Variants in SPRYD4 observed in about 807,000 individuals in gnomAD.
SPRYD4 encodes SPRY domain-containing protein 4.
SPRYD4 carries 12 observed loss-of-function variants against 16.6 expected under a neutral mutation model. The observed-to-expected ratio is 0.72, with a 90% CI of 0.46 to 1.17. SPRYD4 has a LOEUF of 1.17. Ranked by LOEUF, SPRYD4 falls within the 50% of genes most tolerant of loss-of-function variation. The probability of loss-of-function intolerance (pLI) is 0.00; values close to 1 mark genes in which losing one functional copy is unlikely to be tolerated. For missense variants in SPRYD4, 260 were observed against 260.2 expected (o/e 1.00, Z 0.00); for synonymous variants, 98 against 105.4 (o/e 0.93, Z 0.43).
rs567084782 is a variant in SPRYD4, at chr12:56,479,576, G to T, written c.*9999G>T. 9.0e-5 allele frequency: 50 copies of T among 558,100 alleles called. No homozygotes were observed. The highest frequency in any genetic ancestry group is 8.9e-4 in the African/African-American group (47 of 52,580). The allele number at this position is 558,100 out of a possible 1,614,324, so 34.6% of individuals were successfully genotyped here. A position where few individuals can be genotyped will look rare whatever the true frequency, so the allele number is the denominator to read the frequency against. ...ATTTACTTCTGGGAAAAGAGGACAGGGATTGAGTAGGGAGGGAAAGGAGAA... is the reference window on the plus strand; with the variant it reads ...ATTTACTTCTGGGAAAAGAGGACAGTGATTGAGTAGGGAGGGAAAGGAGAA... On this transcript the variant is annotated 3_prime_UTR_variant, in exon 2 of 2. Coordinates refer to ENST00000338146, the MANE Select transcript of SPRYD4 (RefSeq NM_207344.4).
At position 56,473,394 on chromosome 12, in the gene SPRYD4, G is replaced by T; in HGVS notation, c.*3817G>T. 6.2e-7 allele frequency: 1 copy of T among 1,605,098 alleles called. No homozygotes were observed. The highest frequency in any genetic ancestry group is 1.1e-5 in the South Asian group (1 of 90,036). ...AGGAGCTCAAAATTGCTTTATTATA[G>T]TAAAAGTGGTACCATTAAACAAATT... On this transcript the variant is annotated 3_prime_UTR_variant, in exon 2 of 2. Transcript: ENST00000338146.
Position 56,469,252 on chromosome 12 carries a change from T to TC in SPRYD4, c.301dup (p.Arg101ProfsTer13). On this transcript the variant is annotated frameshift_variant, in exon 2 of 2. Transcript: ENST00000338146. LOFTEE classifies it high-confidence loss of function. ...GTGACAGTGAAGCGCTCCCAGCAGT[T>TC]CCGGATAGGAGTGGCAGATGTGGAC... 6.2e-7 allele frequency: 1 copy of TC among 1,613,928 alleles called. No individual in the cohort carries two copies. The highest frequency in any genetic ancestry group is 1.1e-5 in the South Asian group (1 of 91,064).
Position 56,471,893 on chromosome 12 carries a change from A to G in SPRYD4, c.*2316A>G, listed in dbSNP as rs535451859. 5.1e-6 allele frequency: 8 copies of G among 1,562,052 alleles called. No individual in the cohort carries two copies. In the African/African-American group the frequency reaches 9.5e-5, roughly 18 times the overall value. ...GCGCAGGTCTTGAACCCTTTGGTGC[A>G]GACACTTAGCCACTGAAGTCTTTAC... On this transcript the variant is annotated 3_prime_UTR_variant, in exon 2 of 2. Transcript: ENST00000338146.
Position 56,475,377 on chromosome 12 carries a change from G to C in SPRYD4, c.*5800G>C. 1.2e-6 allele frequency: 1 copy of C among 825,760 alleles called. No homozygotes were observed. Among genetic ancestry groups the C allele is most frequent in the South Asian group, 1.8e-5 (1 of 54,532 alleles). The allele number at this position is 825,760 out of a possible 1,614,324, so 51.2% of individuals were successfully genotyped here. On this transcript the variant is annotated 3_prime_UTR_variant, in exon 2 of 2. Coordinates refer to ENST00000338146, the MANE Select transcript of SPRYD4 (RefSeq NM_207344.4). ...TGAAGTTTTTGGCTTTGAAAGTCTT[G>C]GCAAGAAAGGGCTTAGGCACAAACC...
Position 56,478,262 on chromosome 12 carries a change from C to T in SPRYD4, c.*8685C>T, listed in dbSNP as rs2136188089. The T allele has an allele frequency of 6.2e-7, 1 of 1,614,062 alleles. No individual in the cohort carries two copies. The highest frequency in any genetic ancestry group is 8.5e-7 in the Non-Finnish European group (1 of 1,179,998). ...GCCAGCTGAGGGATGTAGGCTGCCACCTGGACATGAGTGGGTAGAGAAAAG... is the reference window on the plus strand; with the variant it reads ...GCCAGCTGAGGGATGTAGGCTGCCATCTGGACATGAGTGGGTAGAGAAAAG... On this transcript the variant is annotated 3_prime_UTR_variant, in exon 2 of 2. Transcript: ENST00000338146.
At position 56,475,834 on chromosome 12, in the gene SPRYD4, T is replaced by C. The variant is rs1869757750; in HGVS notation, c.*6257T>C. On this transcript the variant is annotated 3_prime_UTR_variant, in exon 2 of 2. Transcript: ENST00000338146. ...TCCACATTTCTGGAAATAAGGCTTCTAGTATGGGCTGGTGCACCTGGTAGT... is the reference window on the plus strand; with the variant it reads ...TCCACATTTCTGGAAATAAGGCTTCCAGTATGGGCTGGTGCACCTGGTAGT... The C allele has an allele frequency of 7.1e-7, 1 of 1,407,852 alleles. No individual in the cohort carries two copies. The highest frequency in any genetic ancestry group is 1.2e-5 in the South Asian group (1 of 86,142). The allele number at this position is 1,407,852 out of a possible 1,614,324, so 87.2% of individuals were successfully genotyped here.
At position 56,475,875 on chromosome 12, in the gene SPRYD4, C is replaced by T. The variant is rs959815797; in HGVS notation, c.*6298C>T. Reference sequence around the variant, plus strand: ...ACCTGGTAGTGGGGTTAGAGAGCCACTGGGGCAGCTGGAGAGGACAGCATG... The same window carrying T: ...ACCTGGTAGTGGGGTTAGAGAGCCATTGGGGCAGCTGGAGAGGACAGCATG... On this transcript the variant is annotated 3_prime_UTR_variant, in exon 2 of 2. Transcript: ENST00000338146. The T allele has an allele frequency of 9.0e-6, 14 of 1,555,902 alleles. 1 individual carries two copies. In the South Asian group the frequency reaches 1.4e-4, roughly 16 times the overall value.
At position 56,468,634 on chromosome 12, in the gene SPRYD4, G is replaced by A. The variant is rs906500413; in HGVS notation, c.43G>A (p.Gly15Arg). 5.0e-6 allele frequency: 8 copies of A among 1,614,058 alleles called. No individual in the cohort carries two copies. The highest frequency in any genetic ancestry group is 6.8e-6 in the Non-Finnish European group (8 of 1,179,994). Reference protein sequence around the residue: ...FARSLRLCRWGAKRLGVASTE... With the variant: ...FARSLRLCRWRAKRLGVASTE... Reference sequence around the variant, plus strand: ...ACGTTCTTTGCGCTTGTGCCGCTGGGGAGCCAAACGATTGGGAGTTGCCTC... The same window carrying A: ...ACGTTCTTTGCGCTTGTGCCGCTGGAGAGCCAAACGATTGGGAGTTGCCTC... The change falls in exon 1 of 2, where the codon GGA becomes AGA. Residue 15 changes from glycine (G) to arginine (R), a missense_variant. Physicochemically the swap from Gly to Arg is moderately radical, Grantham distance 125. Transcript: ENST00000338146.
In SPRYD4 at chr12:56,474,345, T is replaced by C. The variant is rs1869595988; in HGVS notation, c.*4768T>C. The C allele has an allele frequency of 6.2e-6, 4 of 642,682 alleles. No homozygotes were observed. The South Asian group carries it at 7.8e-5, about 12-fold the overall frequency. 39.8% of individuals were successfully genotyped at this position (642,682 alleles called of 1,614,324 possible). A position where few individuals can be genotyped will look rare whatever the true frequency, so the allele number is the denominator to read the frequency against. On this transcript the variant is annotated 3_prime_UTR_variant, in exon 2 of 2. Transcript: ENST00000338146. ...CTCAGGTGATCCACCTGCCTCGGCC[T>C]CCCAAAGACATCTCTTTATATATTC...
chr12:56,479,208 G>C lies in SPRYD4; in HGVS notation c.*9631G>C. On this transcript the variant is annotated 3_prime_UTR_variant, in exon 2 of 2. Coordinates refer to ENST00000338146, the MANE Select transcript of SPRYD4 (RefSeq NM_207344.4). ...TGGATCCCAGACACGATTGGATTAG[G>C]GGGCTAGAGAAATGCAGCTGGGACT... 1.2e-6 allele frequency: 2 copies of C among 1,610,376 alleles called. No individual in the cohort carries two copies. Among genetic ancestry groups the C allele is most frequent in the East Asian group, 2.2e-5 (1 of 44,848 alleles).
At position 56,477,985 on chromosome 12, in the gene SPRYD4, C is replaced by A. The variant is rs780176073; in HGVS notation, c.*8408C>A. 8.7e-6 allele frequency: 14 copies of A among 1,614,210 alleles called. No homozygotes were observed. The highest frequency in any genetic ancestry group is 1.2e-5 in the Non-Finnish European group (14 of 1,180,030). The stretch of plus-strand genomic sequence containing the variant: ...AGCGCAGGCCACTTGGCTCTTTGCC[C>A]ACAAACTTGTGCACGTAGTCAGTGC... On this transcript the variant is annotated 3_prime_UTR_variant, in exon 2 of 2. Coordinates refer to ENST00000338146, the MANE Select transcript of SPRYD4 (RefSeq NM_207344.4).
At position 56,472,683 on chromosome 12, in the gene SPRYD4, G is replaced by A. The variant is rs760843313; in HGVS notation, c.*3106G>A. The A allele has an allele frequency of 1.9e-6, 3 of 1,612,852 alleles. No homozygotes were observed. Among genetic ancestry groups the A allele is most frequent in the Non-Finnish European group, 2.5e-6 (3 of 1,179,078 alleles). ...TTATTGTGTATATTTGGTCACAGTA[G>A]CATTACCTTCGAAGAGCTGAGACAT... is the stretch of plus-strand genomic sequence containing the variant. On this transcript the variant is annotated 3_prime_UTR_variant, in exon 2 of 2. Transcript: ENST00000338146.
In SPRYD4 at chr12:56,469,201, T is replaced by A. The variant is rs779609020; in HGVS notation, c.248T>A (p.Val83Asp). Residue 83 changes from valine to aspartate, a missense_variant, in exon 2 of 2, where the codon GTC becomes GAC. By Grantham distance (152) the Val-to-Asp change is radical. Coordinates refer to ENST00000338146, the MANE Select transcript of SPRYD4 (RefSeq NM_207344.4). ...GCAGTGGTGCTGGCAGACACAGCGG[T>A]CACCAGTGGCAGACACTACTGGGAA... is the stretch of plus-strand genomic sequence containing the variant. ...EWAVVLADTA[V>D]TSGRHYWEVT... The A allele has an allele frequency of 6.2e-7, 1 of 1,613,918 alleles. No individual in the cohort carries two copies. Among genetic ancestry groups the A allele is most frequent in the Admixed American group, 1.7e-5 (1 of 59,998 alleles).
chr12:56,475,480 G>T lies in SPRYD4; in HGVS notation c.*5903G>T. The T allele has an allele frequency of 1.3e-6, 1 of 784,410 alleles. No individual in the cohort carries two copies. The allele number at this position is 784,410 out of a possible 1,614,324, so 48.6% of individuals were successfully genotyped here. On this transcript the variant is annotated 3_prime_UTR_variant, in exon 2 of 2. Transcript: ENST00000338146. Reference sequence around the variant, plus strand: ...ACAAGATAAACAAATGTTTATGAAGGGACTCAGAGGAAGCTGGAGGGCCAA... The same window carrying T: ...ACAAGATAAACAAATGTTTATGAAGTGACTCAGAGGAAGCTGGAGGGCCAA...
chr12:56,477,901 G>A lies in SPRYD4; in HGVS notation c.*8324G>A. 3.1e-6 allele frequency: 5 copies of A among 1,600,834 alleles called. No individual in the cohort carries two copies. The East Asian group carries it at 6.7e-5, about 21-fold the overall frequency. ...TGGGGATAAGGAGAAGGGGACAGCT[G>A]TAAGTACGGTCTGAGCCTTGGTAGT... is the stretch of plus-strand genomic sequence containing the variant. On this transcript the variant is annotated 3_prime_UTR_variant, in exon 2 of 2. Transcript: ENST00000338146.
At position 56,469,771 on chromosome 12, in the gene SPRYD4, C is replaced by T. The variant is rs1869159031; in HGVS notation, c.*194C>T. 3 of 543,196 alleles carry T rather than the reference C, an allele frequency of 5.5e-6. No individual in the cohort carries two copies. The highest frequency in any genetic ancestry group is 2.2e-5 in the South Asian group (1 of 44,516). The allele number at this position is 543,196 out of a possible 1,614,324, so 33.6% of individuals were successfully genotyped here. On this transcript the variant is annotated 3_prime_UTR_variant, in exon 2 of 2. Coordinates refer to ENST00000338146, the MANE Select transcript of SPRYD4 (RefSeq NM_207344.4). ...GCATACAGCCAAACCCTCCTTTTCC[C>T]CACCCACCAACTACTGCCAATTTCC...
intron 1 of SPRYD4, 100 bp downstream of exon 1, chr12:56,468,776 T>A: frequency 7.5e-7 from 1 of 1,328,792 alleles, no homozygotes; most frequent in Admixed American, 2.0e-5. Context: ...TCGGGTCTTT[T>A]CCTTCCCCAC....
chr12:56,479,174 TCA>T lies in SPRYD4; in HGVS notation c.*9603_*9604del. On this transcript the variant is annotated 3_prime_UTR_variant, in exon 2 of 2. Coordinates refer to ENST00000338146, the MANE Select transcript of SPRYD4 (RefSeq NM_207344.4). ...TGGGTCAGGAGCACAATGTTGCTGCTCACACACCTGGATCCCAGACACGATTG... is the reference window on the plus strand; with the variant it reads ...TGGGTCAGGAGCACAATGTTGCTGCTCACACCTGGATCCCAGACACGATTG... 1 of 1,613,586 alleles carries T rather than the reference TCA, an allele frequency of 6.2e-7. No individual in the cohort carries two copies. Among genetic ancestry groups the T allele is most frequent in the South Asian group, 1.1e-5 (1 of 91,074 alleles).
At position 56,474,730 on chromosome 12, in the gene SPRYD4, CAA is replaced by C. The variant is rs767036919; in HGVS notation, c.*5155_*5156del. The C allele has an allele frequency of 3.5e-5, 57 of 1,607,896 alleles. No homozygotes were observed. The highest frequency in any genetic ancestry group is 4.7e-5 in the Non-Finnish European group (55 of 1,176,152). On this transcript the variant is annotated 3_prime_UTR_variant, in exon 2 of 2. Transcript: ENST00000338146. ...CCTCCACAGAACACAGCTATGAAAA[CAA>C]AGAATAGGTGAAGATGTGACGTGAA...
Sources: gnomAD v4.1 joint callset for allele counts on GRCh38, gnomAD v4.1.1 for gene constraint, MANE v1.5 for transcripts, NCBI Gene and HGNC (gene_info 2026-07-23, HGNC 2026-07-21) for gene names.